The following CTNNA1 variants were observed in gnomAD, a reference collection of about 807,000 sequenced individuals.
The protein encoded by CTNNA1 is catenin alpha-1.
Under a neutral mutation model 98.4 loss-of-function variants are expected in CTNNA1, and 37 were observed. That is an observed-to-expected ratio of 0.38 (90% confidence interval 0.29 to 0.49). The LOEUF is 0.49. CTNNA1 is among the 20% of genes least tolerant of loss of function. The pLI, the probability that CTNNA1 is intolerant of heterozygous loss-of-function variation, is 0.95. For synonymous variants in CTNNA1, 404 were observed against 413.2 expected, an observed-to-expected ratio of 0.98 and a Z score of 0.27; for missense variants, 761 against 1,147.2, an observed-to-expected ratio of 0.66 and a Z score of 4.86.
At chr5:138,763,072 A>G (rs1580863598) in intron 1 of CTNNA1, among the ~76,000 whole-genome samples, 1 of 147,790 alleles carries the variant, frequency 6.8e-6, no homozygotes. Flanking sequence ...TGGCTCATCA[A>G]CTCTCTTGAA....
intron 10 of CTNNA1, among the ~76,000 whole-genome samples, chr5:138,910,245 T>C (rs1474721738): frequency 6.8e-6 from 1 of 145,992 alleles, no homozygotes; most frequent in African/African-American, 2.5e-5. Context: ...TTTTTTTTTT[T>C]TTTTTTTTGG....
intron 3 of CTNNA1, among the ~76,000 whole-genome samples, chr5:138,796,543 C>CAAA (rs142596986): frequency 7.5e-5 from 3 of 40,080 alleles, no homozygotes; most frequent in African/African-American, 3.3e-4. Context: ...GACTCCGTCT[C>CAAA]AAAAAAAAAA....
At chr5:138,832,591 G>A (rs1353599609) in intron 7 of CTNNA1, among the ~76,000 whole-genome samples, 1 of 152,062 alleles carries the variant, frequency 6.6e-6, no homozygotes, top group African/African-American at 2.4e-5. Context: ...TTTTTTTCAT[G>A]ATTGAAATTC....
intron 1 of CTNNA1, among the ~76,000 whole-genome samples, chr5:138,764,401 G>A (rs188140335): frequency 3.9e-5 from 6 of 152,150 alleles, no homozygotes; most frequent in Non-Finnish European, 4.4e-5. Flanking sequence ...TTGCAGAGAG[G>A]TAACTAAGTG....
intron 7 of CTNNA1, among the ~76,000 whole-genome samples, chr5:138,845,027 G>T (rs1762587092): frequency 6.6e-6 from 1 of 152,082 alleles, no homozygotes; most frequent in East Asian, 1.9e-4. Context: ...CCTTTAATTT[G>T]CTCCTGTGTA....
In CTNNA1 at chr5:138,810,552, T is replaced by A. The variant is rs373361323; in HGVS notation, c.468+348T>A. Among the ~76,000 whole-genome samples the A allele has an allele frequency of 7.9e-5, 12 of 152,306 alleles. No homozygotes were observed. In the East Asian group the frequency reaches 1.9e-3, roughly 25 times the overall value. ...TGTACTTTTATTTATTTATTTATTTTTTCCATTTAACCCTGAGTGGACACA... is the reference window on the plus strand; with the variant it reads ...TGTACTTTTATTTATTTATTTATTTATTCCATTTAACCCTGAGTGGACACA... On this transcript the variant is annotated intron_variant, in intron 4 of 17. Transcript: ENST00000302763.
intron 10 of CTNNA1, among the ~76,000 whole-genome samples, chr5:138,908,784 G>A (rs1452389586): frequency 6.6e-6 from 1 of 152,008 alleles, no homozygotes; most frequent in Non-Finnish European, 1.5e-5. Context: ...AGAGGAGGTA[G>A]GTCGGCTCTC....
intron 7 of CTNNA1, among the ~76,000 whole-genome samples, chr5:138,865,259 G>C (rs1352232457): frequency 6.6e-6 from 1 of 152,200 alleles, no homozygotes; most frequent in Admixed American, 6.5e-5. Context: ...GCTGCTGAAA[G>C]TGCTTGGTTC....
chr5:138,820,082 AT>A (rs1561559295), intron 5 of CTNNA1, among the ~76,000 whole-genome samples: 1 of 124,238 alleles, frequency 8.0e-6, no homozygotes, highest in East Asian at 2.7e-4. Context: ...CTGCAGAACC[AT>A]GAGCCAATTA....
At position 138,924,615 on chromosome 5, in the gene CTNNA1, G is replaced by T; in HGVS notation, c.1652G>T (p.Arg551Leu). 1 of 1,613,796 alleles carries T rather than the reference G, an allele frequency of 6.2e-7. No homozygotes were observed. Among genetic ancestry groups the T allele is most frequent in the Non-Finnish European group, 8.5e-7 (1 of 1,179,896 alleles). Residue 551 changes from arginine to leucine, a missense_variant, in exon 12 of 18, where the codon CGG (arginine) becomes CTG (leucine). By Grantham distance (102) the Arg-to-Leu change is moderately radical. Coordinates refer to ENST00000302763, the MANE Select transcript of CTNNA1 (RefSeq NM_001903.5). ...TAGAIRGRAARVIHVVTSEMD... is the reference protein window; with the variant it reads ...TAGAIRGRAALVIHVVTSEMD... ...GGTGCAATTCGAGGCCGGGCAGCCCGGGTCATTCACGTAGTCACCTCAGAG... is the reference window on the plus strand; with the variant it reads ...GGTGCAATTCGAGGCCGGGCAGCCCTGGTCATTCACGTAGTCACCTCAGAG...
At chr5:138,791,610 C>T (rs1289199443) in intron 3 of CTNNA1, among the ~76,000 whole-genome samples, 3 of 65,240 alleles carry the variant, frequency 4.6e-5, no homozygotes, top group South Asian at 6.2e-4. Context: ...AGCAAGACTC[C>T]GTCTCAAAAA....
chr5:138,832,382 G>C (rs1761353407), intron 7 of CTNNA1, among the ~76,000 whole-genome samples: 1 of 152,198 alleles, frequency 6.6e-6, no homozygotes, highest in African/African-American at 2.4e-5. Context: ...TAGTTTCAGA[G>C]ATGACTTCCA....
intron 1 of CTNNA1, chr5:138,753,788 GGAGGA>G: frequency 3.7e-6 from 1 of 268,238 alleles, no homozygotes. Flanking sequence ...CCTGGGCTGG[GGAGGA>G]GAAACTATAG....
intron 1 of CTNNA1, among the ~76,000 whole-genome samples, chr5:138,777,988 CTT>C (rs777826985): frequency 1.3e-4 from 2 of 14,856 alleles, no homozygotes; most frequent in African/African-American, 3.0e-4. Flanking sequence ...CTTAATCTGT[CTT>C]TTTTTTTTTT....
chr5:138,780,212 A>G (rs2149644978), intron 1 of CTNNA1, among the ~76,000 whole-genome samples: 1 of 151,564 alleles, frequency 6.6e-6, no homozygotes, highest in South Asian at 2.1e-4. Context: ...TTTTTTTGAG[A>G]CGGAGTCTTG....
chr5:138,873,432 G>T lies in CTNNA1; in HGVS notation c.1063-12780G>T, dbSNP rs778157485. On this transcript the variant is annotated intron_variant, in intron 7 of 17. Coordinates refer to ENST00000302763, the MANE Select transcript of CTNNA1 (RefSeq NM_001903.5). The surrounding 1 kb of genome is among the most constrained non-coding windows in gnomAD (Gnocchi z 6.1). Reference sequence around the variant, plus strand: ...ATTCTTTTTGTATATTCAGTGGTTGGATCTCTATAAGTTGTAGCCATGACA... The same window carrying T: ...ATTCTTTTTGTATATTCAGTGGTTGTATCTCTATAAGTTGTAGCCATGACA... 9.3e-6 allele frequency: 15 copies of T among 1,613,832 alleles called. No individual in the cohort carries two copies. Among genetic ancestry groups the T allele is most frequent in the Non-Finnish European group, 1.2e-5 (14 of 1,179,888 alleles).
At chr5:138,853,423 A>G (rs115680717) in intron 7 of CTNNA1, among the ~76,000 whole-genome samples, 295 of 150,686 alleles carry the variant, frequency 2.0e-3, no homozygotes, top group African/African-American at 7.0e-3. Context: ...TATTATAGCT[A>G]TTTGTCTTTT....
chr5:138,837,277 G>A (rs1439786211), intron 7 of CTNNA1, among the ~76,000 whole-genome samples: 1 of 152,154 alleles, frequency 6.6e-6, no homozygotes, highest in African/African-American at 2.4e-5. Context: ...TGTGAAGGTA[G>A]AATTTGGAAG....
chr5:138,791,615 CAAAAAAAAAA>C (rs1181055311), intron 3 of CTNNA1, among the ~76,000 whole-genome samples: 8 of 40,304 alleles, frequency 2.0e-4, no homozygotes, highest in Admixed American at 1.7e-3. Context: ...GACTCCGTCT[CAAAAAAAAAA>C]AAAAAAAAAA....
Sources: allele counts gnomAD v4.1 joint callset (sites outside exome capture counted in the v4.1 genomes callset), GRCh38; gene constraint gnomAD v4.1.1; non-coding constraint Gnocchi (gnomAD v3.1); transcripts MANE v1.5; gene names NCBI Gene and HGNC (gene_info 2026-07-23, HGNC 2026-07-21).